HIVEP2: variants seen among roughly 807,000 people sequenced by gnomAD.
HIVEP2 encodes the protein transcription factor HIVEP2.
HIVEP2 carries 14 observed loss-of-function variants against 180.7 expected under a neutral mutation model. The ratio of observed to expected loss-of-function variants is 0.08; its 90% confidence interval spans 0.05 to 0.12. The LOEUF is 0.12. Ranked by LOEUF, HIVEP2 falls within the 10% of genes least tolerant of loss-of-function variation. HIVEP2 has a pLI of 1.00. For missense variants in HIVEP2, 2,579 were observed against 3,008.5 expected, an observed-to-expected ratio of 0.86 and a Z score of 3.34; for synonymous variants, 1,184 against 1,136.4, an observed-to-expected ratio of 1.04 and a Z score of -0.84.
chr6:142,793,675 C>CTTTCTTTCTTTCTTTCTTTCTTTCTT (rs60365543), intron 2 of HIVEP2, among the ~76,000 whole-genome samples: 1 of 122,828 alleles, frequency 8.1e-6, no homozygotes, highest in Non-Finnish European at 1.7e-5. Flanking sequence ...TTCTTTCTTT[C>CTTTCTTTCTTTCTTTCTTTCTTTCTT]TCTCTCTCTC....
chr6:142,903,371 T>C (rs1441340453), intron 1 of HIVEP2, among the ~76,000 whole-genome samples: 2 of 152,228 alleles, frequency 1.3e-5, no homozygotes, highest in Non-Finnish European at 2.9e-5. Flanking sequence ...ACTTCACTTA[T>C]ACAGTGTCCT....
intron 1 of HIVEP2, among the ~76,000 whole-genome samples, chr6:142,854,178 G>A (rs1413670483): frequency 6.6e-6 from 1 of 152,144 alleles, no homozygotes; most frequent in East Asian, 1.9e-4. Flanking sequence ...GGGTGATTCT[G>A]CCCCCTTAAG....
At chr6:142,872,791 G>A (rs1308137565) in intron 1 of HIVEP2, among the ~76,000 whole-genome samples, 1 of 152,076 alleles carries the variant, frequency 6.6e-6, no homozygotes, top group African/African-American at 2.4e-5. Context: ...CACGATTGAG[G>A]GTCATAAAAG....
intron 8 of HIVEP2, 49 bp downstream of exon 8, chr6:142,761,415 C>T (rs552511855): frequency 1.1e-6 from 1 of 902,118 alleles, no homozygotes; most frequent in East Asian, 2.4e-5. Flanking sequence ...CCACAGAGCT[C>T]CACTGTGCAT....
chr6:142,931,199 A>C (rs1469440847), intron 1 of HIVEP2, among the ~76,000 whole-genome samples: 1 of 152,032 alleles, frequency 6.6e-6, no homozygotes, highest in Non-Finnish European at 1.5e-5. Context: ...TCTAGAGCTC[A>C]AGTAGGAATT....
At chr6:142,846,618 T>C (rs1775522386) in intron 1 of HIVEP2, among the ~76,000 whole-genome samples, 1 of 152,198 alleles carries the variant, frequency 6.6e-6, no homozygotes, top group Non-Finnish European at 1.5e-5. Flanking sequence ...CCATTTTAGG[T>C]ACCAAGGACT....
chr6:142,927,710 T>C (rs1777850569), intron 1 of HIVEP2, among the ~76,000 whole-genome samples: 1 of 152,230 alleles, frequency 6.6e-6, no homozygotes, highest in Non-Finnish European at 1.5e-5. Flanking sequence ...TGTTTTAAAA[T>C]GGAAATTACC....
intron 7 of HIVEP2, among the ~76,000 whole-genome samples, chr6:142,764,118 T>C (rs919863720): frequency 6.6e-6 from 1 of 152,184 alleles, no homozygotes; most frequent in Admixed American, 6.5e-5. Flanking sequence ...ACCAGACTTA[T>C]GAACATTTTC....
chr6:142,825,834 AT>A (rs1179224921), intron 2 of HIVEP2, among the ~76,000 whole-genome samples: 1 of 152,176 alleles, frequency 6.6e-6, no homozygotes, highest in Admixed American at 6.5e-5. Context: ...TAATTAATTA[AT>A]TTAAGGTGCC....
At chr6:142,846,282 A>G (rs1040146533) in intron 1 of HIVEP2, among the ~76,000 whole-genome samples, 6 of 152,054 alleles carry the variant, frequency 3.9e-5, no homozygotes, top group South Asian at 2.1e-4. Flanking sequence ...GAAGAAAAAA[A>G]AAAAGAAAAA....
At chr6:142,918,361 T>C (rs931665548) in intron 1 of HIVEP2, among the ~76,000 whole-genome samples, 2 of 152,214 alleles carry the variant, frequency 1.3e-5, no homozygotes, top group African/African-American at 2.4e-5. Flanking sequence ...TATTTTTTTC[T>C]ATTAAACGAA....
At chr6:142,818,883 A>G (rs1776946763) in intron 2 of HIVEP2, among the ~76,000 whole-genome samples, 1 of 151,980 alleles carries the variant, frequency 6.6e-6, no homozygotes, top group Non-Finnish European at 1.5e-5. Flanking sequence ...CAAGCCTGTA[A>G]TCCCAACACT....
chr6:142,914,207 G>T (rs1777492749), intron 1 of HIVEP2, among the ~76,000 whole-genome samples: 1 of 152,064 alleles, frequency 6.6e-6, no homozygotes, highest in African/African-American at 2.4e-5. Context: ...AATTTAAGTG[G>T]TCTACCAATT....
Position 142,756,979 on chromosome 6 carries a change from T to G in HIVEP2, c.6516+2793A>C, listed in dbSNP as rs553886605. On this transcript the variant is annotated intron_variant, in intron 9 of 9. Coordinates refer to ENST00000367603, the MANE Select transcript of HIVEP2 (RefSeq NM_006734.4). ...TGGGGTAATAGAACTGGTATATAGATGTATATATAGATGTCTGTGTAGGTA... is the reference window on the plus strand; with the variant it reads ...TGGGGTAATAGAACTGGTATATAGAGGTATATATAGATGTCTGTGTAGGTA... Among the ~76,000 whole-genome samples the G allele has an allele frequency of 2.3e-3, 346 of 152,304 alleles. 3 individuals carry two copies. Among genetic ancestry groups the G allele is most frequent in the African/African-American group, 8.0e-3 (332 of 41,564 alleles).
chr6:142,857,520 G>A (rs1386106720), intron 1 of HIVEP2, among the ~76,000 whole-genome samples: 4 of 152,156 alleles, frequency 2.6e-5, no homozygotes, highest in Non-Finnish European at 5.9e-5. Flanking sequence ...ATCCACAGAC[G>A]GCTGCATCAT....
chr6:142,792,972 G>C (rs1776176757), intron 2 of HIVEP2, among the ~76,000 whole-genome samples: 1 of 152,098 alleles, frequency 6.6e-6, no homozygotes, highest in African/African-American at 2.4e-5. Flanking sequence ...GCTGATGGGA[G>C]CAGGGAACTA....
At chr6:142,778,500 T>C (rs918421494) in intron 3 of HIVEP2, among the ~76,000 whole-genome samples, 6 of 152,194 alleles carry the variant, frequency 3.9e-5, no homozygotes, top group Non-Finnish European at 1.5e-5. Flanking sequence ...GTGAATAATT[T>C]CTAAGTTATT....
Position 142,770,949 on chromosome 6 carries a change from T to A in HIVEP2, c.3790A>T (p.Thr1264Ser). The A allele has an allele frequency of 6.2e-7, 1 of 1,614,224 alleles. No homozygotes were observed. Among genetic ancestry groups the A allele is most frequent in the Non-Finnish European group, 8.5e-7 (1 of 1,180,032 alleles). The change falls in exon 5 of 10, where the codon ACT (threonine) becomes TCT (serine). Residue 1264 changes from threonine to serine, a missense_variant. This residue lies in a region of HIVEP2 where 523 missense variants were observed against 577.0 expected (regional missense o/e 0.91). Coordinates refer to ENST00000367603, the MANE Select transcript of HIVEP2 (RefSeq NM_006734.4). The surrounding 1 kb of genome is among the most constrained non-coding windows in gnomAD (Gnocchi z 4.7). ...GCATACTCAGCAGGTTTCTTTCCAG[T>A]GTGCTCTGCCACATGCTCTAAGGGA... ...SYPLEHVAEH[T>S]GKKPAEYAHT... is the part of the protein sequence containing the mutation.
intron 1 of HIVEP2, among the ~76,000 whole-genome samples, chr6:142,861,521 C>T (rs1775977295): frequency 6.6e-6 from 1 of 152,138 alleles, no homozygotes; most frequent in Non-Finnish European, 1.5e-5. Context: ...AGTAGAATAG[C>T]ACCATATACT....
Sources: gnomAD v4.1 joint callset for allele counts (sites outside exome capture counted in the v4.1 genomes callset) on GRCh38, gnomAD v4.1.1 for gene constraint, gnomAD v4.1.1 regional missense constraint, Gnocchi (gnomAD v3.1) non-coding constraint, MANE v1.5 for transcripts, NCBI Gene and HGNC (gene_info 2026-07-23, HGNC 2026-07-21) for gene names.